Variants in MIR2052HG observed in about 807,000 individuals in gnomAD.
MIR2052HG encodes MIR2052 host gene.
intron 4 of MIR2052HG, among the ~76,000 whole-genome samples, chr8:74,723,118 A>ATT (rs1392738673): frequency 3.3e-5 from 5 of 152,206 alleles, no homozygotes; most frequent in Non-Finnish European, 7.3e-5. Flanking sequence ...TCATGAAGAA[A>ATT]ATGTCTTGCC....
chr8:74,713,232 T>A (rs994322647), intron 4 of MIR2052HG, among the ~76,000 whole-genome samples: 7 of 152,214 alleles, frequency 4.6e-5, no homozygotes, highest in Non-Finnish European at 1.0e-4. Context: ...ATGCAAAGCT[T>A]CAAAAATATA....
At chr8:74,666,667 A>G (rs1056989070) in intron 2 of MIR2052HG, among the ~76,000 whole-genome samples, 2 of 152,204 alleles carry the variant, frequency 1.3e-5, no homozygotes, top group African/African-American at 4.8e-5. Flanking sequence ...TGTCTGGCTC[A>G]AAGTTATATT....
chr8:74,750,170 C>A (rs755873899), intron 4 of MIR2052HG, among the ~76,000 whole-genome samples: 1 of 152,142 alleles, frequency 6.6e-6, no homozygotes, highest in Non-Finnish European at 1.5e-5. Flanking sequence ...ACTGTCTGAT[C>A]ATTTTGAAGC....
chr8:74,662,778 TGG>T (rs753404929), intron 2 of MIR2052HG, among the ~76,000 whole-genome samples: 1 of 152,060 alleles, frequency 6.6e-6, no homozygotes, highest in Non-Finnish European at 1.5e-5. Context: ...GGGGCTTATG[TGG>T]GCACTTTTGG....
intron 4 of MIR2052HG, among the ~76,000 whole-genome samples, chr8:74,737,484 T>G (rs1388132256): frequency 6.6e-6 from 1 of 152,190 alleles, no homozygotes; most frequent in African/African-American, 2.4e-5. Flanking sequence ...TGTCCAATTC[T>G]TAGTTCAAAA....
At chr8:74,641,944 C>G (rs1808642964) in intron 2 of MIR2052HG, among the ~76,000 whole-genome samples, 1 of 151,860 alleles carries the variant, frequency 6.6e-6, no homozygotes, top group Non-Finnish European at 1.5e-5. Context: ...ATGCCTGGGC[C>G]CAGAAGGCAT....
chr8:74,725,790 C>T, intron 4 of MIR2052HG, among the ~76,000 whole-genome samples: 1 of 152,126 alleles, frequency 6.6e-6, no homozygotes. Context: ...GATAATATAC[C>T]TGCCTTTGTA....
chr8:74,711,851 G>A (rs1360179931), intron 4 of MIR2052HG, among the ~76,000 whole-genome samples: 2 of 152,178 alleles, frequency 1.3e-5, no homozygotes, highest in African/African-American at 2.4e-5. Context: ...CAGTTTGGGT[G>A]TGGAGCAACC....
chr8:74,655,227 G>GA, intron 2 of MIR2052HG, among the ~76,000 whole-genome samples: 1 of 152,154 alleles, frequency 6.6e-6, no homozygotes, highest in East Asian at 1.9e-4. Flanking sequence ...CAATAGAAAA[G>GA]AAAAACCCAT....
chr8:74,626,775 TC>T (rs1159885079), intron 2 of MIR2052HG, among the ~76,000 whole-genome samples: 4 of 152,226 alleles, frequency 2.6e-5, no homozygotes, highest in Non-Finnish European at 5.9e-5. Flanking sequence ...TACCTGGACA[TC>T]CCTACATTGT....
intron 2 of MIR2052HG, among the ~76,000 whole-genome samples, chr8:74,620,442 G>T (rs7813035): frequency 0.27 from 40,333 of 152,116 alleles, 5,972 homozygotes; most frequent in East Asian, 0.57. Context: ...TGAGGGCTCT[G>T]CCCCTGCAGG....
chr8:74,743,789 C>T (rs1414129838), intron 4 of MIR2052HG, among the ~76,000 whole-genome samples: 1 of 152,076 alleles, frequency 6.6e-6, no homozygotes, highest in Non-Finnish European at 1.5e-5. Context: ...CAAAACCAAG[C>T]CCCAAACCAT....
intron 2 of MIR2052HG, among the ~76,000 whole-genome samples, chr8:74,614,530 A>G (rs1808249792): frequency 6.6e-6 from 1 of 152,092 alleles, no homozygotes; most frequent in Non-Finnish European, 1.5e-5. Context: ...TCATATGCTT[A>G]TTAAATTCTT....
At chr8:74,703,477 C>T (rs1222732090) in intron 3 of MIR2052HG, 1 of 252,822 alleles carries the variant, frequency 4.0e-6, no homozygotes, top group Non-Finnish European at 7.9e-6. Flanking sequence ...CCTAGGCACC[C>T]AAACGATGAC....
chr8:74,624,272 G>A (rs2128733128), intron 2 of MIR2052HG, among the ~76,000 whole-genome samples: 1 of 152,282 alleles, frequency 6.6e-6, no homozygotes. Context: ...CACATCACTG[G>A]TACCACAGCC....
intron 2 of MIR2052HG, among the ~76,000 whole-genome samples, chr8:74,637,528 A>C (rs945559141): frequency 6.6e-6 from 1 of 152,090 alleles, no homozygotes; most frequent in African/African-American, 2.4e-5. Flanking sequence ...TTAACAGAGA[A>C]TTTTTGTCCT....
intron 2 of MIR2052HG, among the ~76,000 whole-genome samples, chr8:74,613,419 C>T (rs975086341): frequency 5.4e-4 from 82 of 152,150 alleles, no homozygotes; most frequent in Non-Finnish European, 9.4e-4. Context: ...GTGTTTCTTT[C>T]ATCTGCATGA....
intron 4 of MIR2052HG, among the ~76,000 whole-genome samples, chr8:74,725,854 G>A (rs184693934): frequency 2.0e-4 from 31 of 152,002 alleles, no homozygotes; most frequent in African/African-American, 6.5e-4. Context: ...AGTATTACTC[G>A]CTGTTATCAT....
At chr8:74,672,927 C>T (rs1191507554) in intron 2 of MIR2052HG, among the ~76,000 whole-genome samples, 1 of 151,988 alleles carries the variant, frequency 6.6e-6, no homozygotes, top group Non-Finnish European at 1.5e-5. Flanking sequence ...GAGTAAGTTC[C>T]ATGCTCTGTT....
Sources: gnomAD v4.1 joint callset for allele counts (sites outside exome capture counted in the v4.1 genomes callset) on GRCh38, gnomAD v4.1.1 for gene constraint, MANE v1.5 for transcripts, NCBI Gene and HGNC (gene_info 2026-07-23, HGNC 2026-07-21) for gene names.